Variants in CAMK4 observed in about 807,000 individuals in gnomAD.
The protein encoded by CAMK4 is calcium/calmodulin dependent protein kinase IV, also known as calcium/calmodulin-dependent protein kinase type IV.
Under a neutral mutation model 44.9 loss-of-function variants are expected in CAMK4, and 22 were observed. The ratio of observed to expected loss-of-function variants is 0.49; its 90% CI spans 0.35 to 0.70. The LOEUF is 0.70. Among genes scored for constraint, CAMK4 ranks in the 30% least tolerant of loss-of-function variants. CAMK4 has a pLI of 0.01. For missense variants in CAMK4, 498 were observed against 586.8 expected (o/e 0.85, Z 1.56); for synonymous variants, 218 against 215.4 (o/e 1.01, Z -0.11).
In CAMK4 at chr5:111,487,394, A is replaced by AT. The variant is rs1488733518; in HGVS notation, c.*2934dup. 6 of 152,100 alleles carry AT rather than the reference A, an allele frequency of 3.9e-5. No individual in the cohort carries two copies. Among genetic ancestry groups the AT allele is most frequent in the Non-Finnish European group, 7.4e-5 (5 of 68,002 alleles). 9.4% of individuals were successfully genotyped at this position (152,100 alleles called of 1,614,324 possible). On this transcript the variant is annotated 3_prime_UTR_variant, in exon 11 of 11. Coordinates refer to ENST00000282356, the MANE Select transcript of CAMK4 (RefSeq NM_001744.6). Reference sequence around the variant, plus strand: ...TAACAAAGTCTAATTGGAATCCAGTATTTTTTCTCAAACTGTAATTTCACT... The same window carrying AT: ...TAACAAAGTCTAATTGGAATCCAGTATTTTTTTCTCAAACTGTAATTTCACT...
Position 111,310,355 on chromosome 5 carries a change from T to C in CAMK4, c.162-33669T>C, listed in dbSNP as rs145996907. Among the ~76,000 whole-genome samples the C allele has an allele frequency of 4.2e-3, 634 of 152,332 alleles. 4 individuals are homozygous for C. Among genetic ancestry groups the C allele is most frequent in the African/African-American group, 0.015 (608 of 41,566 alleles). ...TTATGCTTTCAATAAAGATAAATGA[T>C]ATTGTGCTACATCGTGAGTAAGACG... is the stretch of plus-strand genomic sequence containing the variant. On this transcript the variant is annotated intron_variant, in intron 1 of 10. Transcript: ENST00000282356.
intron 5 of CAMK4, among the ~76,000 whole-genome samples, chr5:111,445,433 T>G (rs528254078): frequency 1.3e-5 from 2 of 152,186 alleles, no homozygotes; most frequent in South Asian, 4.2e-4. Context: ...TTGTTTTTGT[T>G]TTTGTTTTCT....
At chr5:111,285,819 G>A (rs960334128) in intron 1 of CAMK4, among the ~76,000 whole-genome samples, 2 of 152,116 alleles carry the variant, frequency 1.3e-5, no homozygotes, top group South Asian at 2.1e-4. Flanking sequence ...GTAGTTTCCC[G>A]TGTGATGACA....
chr5:111,327,334 G>T lies in CAMK4; in HGVS notation c.162-16690G>T, dbSNP rs534399354. 2.8e-3 allele frequency among the ~76,000 whole-genome samples: 418 copies of T among 151,052 alleles called. 1 individual carries two copies. Among genetic ancestry groups the T allele is most frequent in the African/African-American group, 9.3e-3 (383 of 41,192 alleles). On this transcript the variant is annotated intron_variant, in intron 1 of 10. Coordinates refer to ENST00000282356, the MANE Select transcript of CAMK4 (RefSeq NM_001744.6). The stretch of plus-strand genomic sequence containing the variant: ...TCATCCATGTCCCTGCAAAGGACAT[G>T]AACTCATCATTTTTTATGGCTGCAT...
chr5:111,360,091 C>T (rs984792354), intron 2 of CAMK4, among the ~76,000 whole-genome samples: 16 of 152,072 alleles, frequency 1.1e-4, no homozygotes, highest in African/African-American at 3.1e-4. Flanking sequence ...TCTACAACAG[C>T]ATTTACTCTG....
chr5:111,319,457 T>A (rs1247270415), intron 1 of CAMK4, among the ~76,000 whole-genome samples: 2 of 152,124 alleles, frequency 1.3e-5, no homozygotes, highest in African/African-American at 4.8e-5. Flanking sequence ...TTTTGTTGGG[T>A]TGTTGTGATT....
intron 7 of CAMK4, among the ~76,000 whole-genome samples, chr5:111,460,946 TAAAC>T (rs564070420): frequency 1.1e-4 from 17 of 152,134 alleles, no homozygotes; most frequent in Admixed American, 2.6e-4. Context: ...ATGAGGGAAA[TAAAC>T]AGACTATTTT....
intron 1 of CAMK4, among the ~76,000 whole-genome samples, chr5:111,283,823 T>C (rs1751122857): frequency 6.6e-6 from 1 of 152,226 alleles, no homozygotes; most frequent in South Asian, 2.1e-4. Flanking sequence ...AAGTAGTTCA[T>C]TCATTGTAAC....
chr5:111,458,343 G>C (rs1447205678), intron 7 of CAMK4, among the ~76,000 whole-genome samples: 1 of 152,222 alleles, frequency 6.6e-6, no homozygotes, highest in Non-Finnish European at 1.5e-5. Context: ...AGCTGTGTTA[G>C]AAGTTTGAAA....
chr5:111,409,249 G>A (rs1010517716), intron 5 of CAMK4, among the ~76,000 whole-genome samples: 1 of 152,204 alleles, frequency 6.6e-6, no homozygotes, highest in African/African-American at 2.4e-5. Flanking sequence ...TGAAATCTAG[G>A]TGGAGGTTCC....
chr5:111,349,387 T>G (rs924540584), intron 2 of CAMK4, among the ~76,000 whole-genome samples: 1 of 152,038 alleles, frequency 6.6e-6, no homozygotes, highest in Non-Finnish European at 1.5e-5. Flanking sequence ...ATATTTGAAG[T>G]AGAGTAGAAA....
At chr5:111,412,945 A>AGCT (rs1444978042) in intron 5 of CAMK4, among the ~76,000 whole-genome samples, 3 of 152,210 alleles carry the variant, frequency 2.0e-5, no homozygotes, top group Admixed American at 6.5e-5. Flanking sequence ...ATTGCCTCTG[A>AGCT]GCTGCTACTC....
chr5:111,319,057 C>T (rs901192951), intron 1 of CAMK4, among the ~76,000 whole-genome samples: 1 of 151,990 alleles, frequency 6.6e-6, no homozygotes, highest in Non-Finnish European at 1.5e-5. Flanking sequence ...ATCTCCAAGC[C>T]AGTATTGCAG....
rs549729077 is a variant in CAMK4 at position 111,359,093 on chromosome 5, A to C, written c.240+14991A>C. Among the ~76,000 whole-genome samples the C allele has an allele frequency of 6.6e-5, 10 of 152,256 alleles. 1 individual carries two copies. The South Asian group carries it at 2.1e-3, about 32-fold the overall frequency. Reference sequence around the variant, plus strand: ...TTTATATTCCTTTGGACATATACCCAGTAATGGGATTGCTGAGTTGAATGG... The same window carrying C: ...TTTATATTCCTTTGGACATATACCCCGTAATGGGATTGCTGAGTTGAATGG... On this transcript the variant is annotated intron_variant, in intron 2 of 10. Coordinates refer to ENST00000282356, the MANE Select transcript of CAMK4 (RefSeq NM_001744.6).
At chr5:111,456,359 C>T (rs1384540656) in intron 7 of CAMK4, among the ~76,000 whole-genome samples, 1 of 151,930 alleles carries the variant, frequency 6.6e-6, no homozygotes, top group Non-Finnish European at 1.5e-5. Flanking sequence ...GGCATGATGG[C>T]GAGCACCTGT....
chr5:111,407,519 A>G (rs1752480845), intron 5 of CAMK4, among the ~76,000 whole-genome samples: 1 of 152,194 alleles, frequency 6.6e-6, no homozygotes. Flanking sequence ...TAAGCTTTTA[A>G]GATTACACAT....
In CAMK4 at chr5:111,482,633, A is replaced by G. The variant is rs188610515; in HGVS notation, c.829-152A>G. ...CTGCTACCTGAAGCTGTGCCTACCT[A>G]CAGTGGCCCCTGAGGACTTAAACAA... is the stretch of plus-strand genomic sequence containing the variant. On this transcript the variant is annotated intron_variant, in intron 9 of 10. Coordinates refer to ENST00000282356, the MANE Select transcript of CAMK4 (RefSeq NM_001744.6). This position sits in a 1 kb window ranked among gnomAD's most constrained non-coding sequence, Gnocchi z 4.9. 480 of 541,536 alleles carry G rather than the reference A, an allele frequency of 8.9e-4. 1 individual carries two copies. Among genetic ancestry groups the G allele is most frequent in the Non-Finnish European group, 1.3e-3 (405 of 310,954 alleles). 33.5% of individuals were successfully genotyped at this position (541,536 alleles called of 1,614,324 possible). A position where few individuals can be genotyped will look rare whatever the true frequency, so the allele number is the denominator to read the frequency against.
In CAMK4 at chr5:111,478,404, A is replaced by G. The variant is rs775265030; in HGVS notation, c.725A>G (p.Tyr242Cys). The change falls in exon 9 of 11, where the codon TAT (tyrosine) becomes TGT (cysteine). Residue 242 changes from tyrosine (Y) to cysteine (C), a missense_variant. This residue lies in a region of CAMK4 where 203 missense variants were observed against 298.2 expected (regional missense o/e 0.68). Transcript: ENST00000282356. ...AGACTTTGTGGATTTGAACCATTCT[A>G]TGATGAAAGAGGCGATCAGTTCATG... ...YILLCGFEPFYDERGDQFMFR... is the reference protein window; with the variant it reads ...YILLCGFEPFCDERGDQFMFR... The G allele has an allele frequency of 9.5e-6, 15 of 1,576,062 alleles. No individual in the cohort carries two copies. Among genetic ancestry groups the G allele is most frequent in the East Asian group, 4.5e-5 (2 of 44,100 alleles).
intron 5 of CAMK4, among the ~76,000 whole-genome samples, chr5:111,439,182 G>T (rs1753743892): frequency 6.6e-6 from 1 of 152,136 alleles, no homozygotes; most frequent in Non-Finnish European, 1.5e-5. Flanking sequence ...CTGCTGCCCT[G>T]CATGCTGGAA....
Sources: allele counts gnomAD v4.1 joint callset (sites outside exome capture counted in the v4.1 genomes callset), GRCh38; gene constraint gnomAD v4.1.1; regional missense constraint gnomAD v4.1.1; non-coding constraint Gnocchi (gnomAD v3.1); transcripts MANE v1.5; gene names NCBI Gene and HGNC (gene_info 2026-07-23, HGNC 2026-07-21).